The following KLF12 variants were observed in gnomAD, a reference collection of about 807,000 sequenced individuals.
KLF12 encodes KLF transcription factor 12, also known as Krueppel-like factor 12.
Under a neutral mutation model 37.8 loss-of-function variants are expected in KLF12, and 9 were observed. The ratio of observed to expected loss-of-function variants is 0.24; its 90% CI spans 0.14 to 0.42. The LOEUF (loss-of-function observed/expected upper bound fraction) is 0.42. KLF12 is among the 10% of genes least tolerant of loss of function. The probability of loss-of-function intolerance (pLI) is 1.00; values close to 1 mark genes in which losing one functional copy is unlikely to be tolerated. For synonymous variants in KLF12, 208 were observed against 202.1 expected (o/e 1.03, Z -0.25); for missense variants, 411 against 516.0 (o/e 0.80, Z 1.97).
chr13:74,022,354 G>A (rs1315542742), intron 1 of KLF12, among the ~76,000 whole-genome samples: 1 of 151,986 alleles, frequency 6.6e-6, no homozygotes, highest in Non-Finnish European at 1.5e-5. Flanking sequence ...TTTATGTCCT[G>A]CACAAAAATT....
chr13:73,795,263 A>G (rs183764065), intron 5 of KLF12, among the ~76,000 whole-genome samples: 1 of 152,264 alleles, frequency 6.6e-6, no homozygotes, highest in East Asian at 1.9e-4. Context: ...CATGAAAGAG[A>G]GCAGAAATTA....
At chr13:74,138,788 C>T (rs1878628788), upstream of KLF12, among the ~76,000 whole-genome samples, 1 of 152,160 alleles carries the variant, frequency 6.6e-6, no homozygotes, top group African/African-American at 2.4e-5. Flanking sequence ...TATAACATAT[C>T]TGTCTTTACA....
intron 2 of KLF12, among the ~76,000 whole-genome samples, chr13:73,993,147 G>A (rs1892016633): frequency 6.6e-6 from 1 of 152,152 alleles, no homozygotes; most frequent in Non-Finnish European, 1.5e-5. Context: ...GCAGGAGAAT[G>A]TTTGAACCCA....
At chr13:73,993,802 T>A (rs1301295311) in intron 2 of KLF12, among the ~76,000 whole-genome samples, 1 of 152,154 alleles carries the variant, frequency 6.6e-6, no homozygotes, top group East Asian at 1.9e-4. Flanking sequence ...CTTGAAACCA[T>A]CCATAATGGG....
the KLF12 span, among the ~76,000 whole-genome samples, chr13:74,160,235 T>C: frequency 6.6e-6 from 1 of 152,190 alleles, no homozygotes; most frequent in African/African-American, 2.4e-5. Flanking sequence ...TGTGGTGTAA[T>C]GGTATATGTG....
rs139694493 is a variant in KLF12, at chr13:73,977,824, T to C, written c.33+17166A>G. ...GTTCAGAAATAGACCCACATAAATA[T>C]AGTCAACTAATCTTTAACAAAGGTG... On this transcript the variant is annotated intron_variant, in intron 2 of 7. Transcript: ENST00000377669. 5.9e-5 allele frequency among the ~76,000 whole-genome samples: 9 copies of C among 152,312 alleles called. No homozygotes were observed. The East Asian group carries it at 1.5e-3, about 26-fold the overall frequency.
At chr13:74,195,736 T>A in the KLF12 span, among the ~76,000 whole-genome samples, 3 of 152,094 alleles carry the variant, frequency 2.0e-5, no homozygotes, top group Non-Finnish European at 4.4e-5. Context: ...ATAGTTGGGA[T>A]TATAGGCACA....
chr13:73,926,164 A>T (rs957286991), intron 3 of KLF12, among the ~76,000 whole-genome samples: 3 of 152,220 alleles, frequency 2.0e-5, no homozygotes, highest in African/African-American at 7.2e-5. Context: ...TGGGTAAAAC[A>T]CTATCGAATA....
chr13:74,152,272 T>C, the KLF12 span, among the ~76,000 whole-genome samples: 1 of 152,230 alleles, frequency 6.6e-6, no homozygotes, highest in Non-Finnish European at 1.5e-5. Flanking sequence ...TTATTAATTA[T>C]TTGTCATTCT....
intron 1 of KLF12, among the ~76,000 whole-genome samples, chr13:74,057,570 T>C (rs1873317864): frequency 1.3e-5 from 2 of 152,224 alleles, no homozygotes; most frequent in African/African-American, 2.4e-5. Flanking sequence ...AATCAGTCAC[T>C]TCCACCTCCT....
At chr13:73,912,777 A>G (rs971349139) in intron 3 of KLF12, among the ~76,000 whole-genome samples, 1 of 152,134 alleles carries the variant, frequency 6.6e-6, no homozygotes, top group Non-Finnish European at 1.5e-5. Context: ...CACACACCAG[A>G]GTTCTTTGTT....
the KLF12 span, among the ~76,000 whole-genome samples, chr13:74,302,578 G>A: frequency 6.6e-6 from 1 of 152,178 alleles, no homozygotes; most frequent in Admixed American, 6.5e-5. Flanking sequence ...GACAGGGGCC[G>A]TGGTGTTATG....
At chr13:74,058,097 G>C (rs778975372) in intron 1 of KLF12, among the ~76,000 whole-genome samples, 8 of 151,432 alleles carry the variant, frequency 5.3e-5, no homozygotes, top group Non-Finnish European at 1.0e-4. Context: ...CTCCCGGGTA[G>C]CTGGGAGTAC....
At chr13:74,304,974 T>C in the KLF12 span, among the ~76,000 whole-genome samples, 3 of 152,136 alleles carry the variant, frequency 2.0e-5, no homozygotes, top group Non-Finnish European at 4.4e-5. Context: ...TCAGAATCTG[T>C]GTCTATACAG....
At chr13:73,884,027 A>AT (rs549035804) in intron 3 of KLF12, among the ~76,000 whole-genome samples, 92 of 152,054 alleles carry the variant, frequency 6.1e-4, no homozygotes, top group African/African-American at 2.0e-3. Flanking sequence ...AAACAGAAAC[A>AT]TTTTTTTTGA....
chr13:73,846,593 T>G (rs542418821), intron 3 of KLF12, among the ~76,000 whole-genome samples: 110 of 152,172 alleles, frequency 7.2e-4, no homozygotes, highest in Non-Finnish European at 4.7e-4. Flanking sequence ...AAAGACATTT[T>G]CATTCCATTG....
intron 4 of KLF12, among the ~76,000 whole-genome samples, chr13:73,823,712 G>GCCT (rs201899381): frequency 0.23 from 34,317 of 151,550 alleles, 4,185 homozygotes; most frequent in East Asian, 0.47. Context: ...TGTAGTTCTG[G>GCCT]CCTCTTCTTT....
chr13:73,732,083 ATTTT>A (rs35067068), intron 6 of KLF12, among the ~76,000 whole-genome samples: 6 of 131,310 alleles, frequency 4.6e-5, no homozygotes, highest in Non-Finnish European at 4.9e-5. Flanking sequence ...TATTAACCCT[ATTTT>A]TTTTTTTTTT....
At chr13:74,280,884 A>G in the KLF12 span, among the ~76,000 whole-genome samples, 2 of 141,148 alleles carry the variant, frequency 1.4e-5, no homozygotes, top group African/African-American at 5.6e-5. Flanking sequence ...AAAAGGGAGG[A>G]AAACAAACTC....
Sources: gnomAD v4.1 joint callset for allele counts (sites outside exome capture counted in the v4.1 genomes callset) on GRCh38, gnomAD v4.1.1 for gene constraint, MANE v1.5 for transcripts, NCBI Gene and HGNC (gene_info 2026-07-23, HGNC 2026-07-21) for gene names.